Variants in SH3BP4 observed in about 807,000 individuals in gnomAD.
The protein encoded by SH3BP4 is SH3 domain-binding protein 4.
A neutral mutation model predicts 65.5 loss-of-function variants in SH3BP4; 33 were observed. That is an observed-to-expected ratio of 0.50 (90% CI 0.38 to 0.67). SH3BP4 has a LOEUF of 0.67. Among genes scored for constraint, SH3BP4 ranks in the 30% least tolerant of loss-of-function variants. The pLI is 0.00. For synonymous variants in SH3BP4, 552 were observed against 545.5 expected (o/e 1.01, Z -0.17); for missense variants, 1,134 against 1,261.4 (o/e 0.90, Z 1.53).
Position 235,034,886 on chromosome 2 carries a change from C to A in SH3BP4, c.-117C>A. ...CTACTTTCAGGAAGAAACATATTGC[C>A]GAGTGGATGCCGCCGCGCAGCGTGT... On this transcript the variant is annotated 5_prime_UTR_variant, in exon 3 of 6. Coordinates refer to ENST00000392011, the MANE Select transcript of SH3BP4 (RefSeq NM_014521.3). The surrounding 1 kb of genome is among the most constrained non-coding windows in gnomAD (Gnocchi z 6.2). 1 of 783,036 alleles carries A rather than the reference C, an allele frequency of 1.3e-6. No homozygotes were observed. Among genetic ancestry groups the A allele is most frequent in the Non-Finnish European group, 2.1e-6 (1 of 479,028 alleles). 48.5% of individuals were successfully genotyped at this position (783,036 alleles called of 1,614,324 possible).
chr2:235,019,106 G>A (rs145823974), intron 2 of SH3BP4, among the ~76,000 whole-genome samples: 75 of 152,312 alleles, frequency 4.9e-4, no homozygotes, highest in African/African-American at 1.7e-3. Context: ...AGGGCCTCGG[G>A]GCCTAGTCAA....
intron 4 of SH3BP4, among the ~76,000 whole-genome samples, chr2:235,051,722 C>A (rs551284568): frequency 6.6e-6 from 1 of 152,142 alleles, no homozygotes; most frequent in East Asian, 1.9e-4. Flanking sequence ...CTGTCTTCTT[C>A]TCCCTGGGTG....
At chr2:235,038,273 A>ATAT (rs1214470856) in intron 3 of SH3BP4, among the ~76,000 whole-genome samples, 1 of 26,050 alleles carries the variant, frequency 3.8e-5, no homozygotes, top group African/African-American at 4.4e-4. Context: ...TATTATATAT[A>ATAT]ATATATATTA....
At chr2:234,965,731 T>C (rs1190985195) in intron 1 of SH3BP4, among the ~76,000 whole-genome samples, 4 of 152,126 alleles carry the variant, frequency 2.6e-5, no homozygotes, top group Non-Finnish European at 4.4e-5. Context: ...AAAATGGCAG[T>C]GATTTCCACA....
intron 1 of SH3BP4, among the ~76,000 whole-genome samples, chr2:234,956,874 T>C (rs1296678218): frequency 6.6e-6 from 1 of 152,206 alleles, no homozygotes; most frequent in Middle Eastern, 3.4e-3. Flanking sequence ...CCCATTTTTA[T>C]GAGCAGGCAG....
rs1436073853 is a variant in SH3BP4, at chr2:235,038,312, TTA to T, written c.119-2570_119-2569del. On this transcript the variant is annotated intron_variant, in intron 3 of 5. Transcript: ENST00000392011. ...ATAATATATATATTATATATATATATTATATATTATATATATATTATATATAG... is the reference window on the plus strand; with the variant it reads ...ATAATATATATATTATATATATATATTATATTATATATATATTATATATAG... Among the ~76,000 whole-genome samples, 5 of 10,266 alleles carry T rather than the reference TTA, an allele frequency of 4.9e-4. 1 individual carries two copies. In the South Asian group the frequency reaches 0.018, roughly 38 times the overall value. 6.7% of individuals were successfully genotyped at this position (10,266 alleles called of 152,430 possible).
intron 1 of SH3BP4, among the ~76,000 whole-genome samples, chr2:234,980,792 G>A (rs1014435756): frequency 6.6e-6 from 1 of 152,156 alleles, no homozygotes; most frequent in South Asian, 2.1e-4. Context: ...TTTATGTTCT[G>A]CCAGAAGCTA....
At position 234,997,470 on chromosome 2, in the gene SH3BP4, CTTCAGGA is replaced by C. The variant is rs1693958537; in HGVS notation, c.-133+2096_-133+2102del. Among the ~76,000 whole-genome samples the C allele has an allele frequency of 6.6e-6, 1 of 152,188 alleles. No individual in the cohort carries two copies. The highest frequency in any genetic ancestry group is 2.4e-5 in the African/African-American group (1 of 41,444). On this transcript the variant is annotated intron_variant, in intron 2 of 5. Coordinates refer to ENST00000392011, the MANE Select transcript of SH3BP4 (RefSeq NM_014521.3). This position sits in a 1 kb window ranked among gnomAD's most constrained non-coding sequence, Gnocchi z 4.2. ...GTAGTTTATCCTGGTGCCTGGTGTCCTTCAGGATGAAGGAGGCAGCAGAAATGCTCCC... is the reference window on the plus strand; with the variant it reads ...GTAGTTTATCCTGGTGCCTGGTGTCCTGAAGGAGGCAGCAGAAATGCTCCC...
intron 1 of SH3BP4, among the ~76,000 whole-genome samples, chr2:234,955,847 C>G (rs1334910057): frequency 6.6e-6 from 1 of 152,192 alleles, no homozygotes; most frequent in African/African-American, 2.4e-5. Flanking sequence ...CCAGGGGTTT[C>G]ATTTTACAGG....
intron 1 of SH3BP4, among the ~76,000 whole-genome samples, chr2:234,966,097 G>T (rs1424155108): frequency 6.6e-6 from 1 of 152,228 alleles, no homozygotes; most frequent in African/African-American, 2.4e-5. Flanking sequence ...AGGAGAAAGA[G>T]GCTGGGCACG....
At chr2:235,007,627 G>C (rs1694337888) in intron 2 of SH3BP4, among the ~76,000 whole-genome samples, 1 of 152,204 alleles carries the variant, frequency 6.6e-6, no homozygotes, top group South Asian at 2.1e-4. Flanking sequence ...TTGATTGACT[G>C]GTTTTGGAGG....
intron 1 of SH3BP4, among the ~76,000 whole-genome samples, chr2:234,968,377 C>CTTT (rs551034590): frequency 2.8e-5 from 3 of 105,756 alleles, no homozygotes; most frequent in African/African-American, 1.0e-4. Flanking sequence ...CAGAGTTGTT[C>CTTT]TTTTTTTTTT....
rs536062513 is a variant in SH3BP4, at chr2:234,974,368, A to T, written c.-206-20935A>T. Among the ~76,000 whole-genome samples, 450 of 152,214 alleles carry T rather than the reference A, an allele frequency of 3.0e-3. 1 individual carries two copies. Among genetic ancestry groups the T allele is most frequent in the Non-Finnish European group, 4.7e-3 (319 of 68,024 alleles). ...CAAAGAGCGAAACTCTGTCTAAAAA[A>T]AAATAAATAAATAAAAGAGAAAGAG... is the stretch of plus-strand genomic sequence containing the variant. On this transcript the variant is annotated intron_variant, in intron 1 of 5. Coordinates refer to ENST00000392011, the MANE Select transcript of SH3BP4 (RefSeq NM_014521.3). The surrounding 1 kb of genome is among the most constrained non-coding windows in gnomAD (Gnocchi z 4.6).
chr2:235,043,204 C>T lies in SH3BP4; in HGVS notation c.2435C>T (p.Thr812Ile). Reference sequence around the variant, plus strand: ...AAGCTGAAGGAGGACTGTAACAACACTGAGAACAAAGAACGGAAGTCCTTC... The same window carrying T: ...AAGCTGAAGGAGGACTGTAACAACATTGAGAACAAAGAACGGAAGTCCTTC... ...LEKLKEDCNN[T>I]ENKERKSFQK... The change falls in exon 4 of 6, where the codon ACT becomes ATT. Residue 812 changes from threonine (T) to isoleucine (I), a missense_variant. By Grantham distance (89) the Thr-to-Ile change is moderately conservative. Coordinates refer to ENST00000392011, the MANE Select transcript of SH3BP4 (RefSeq NM_014521.3). 2 of 1,595,700 alleles carry T rather than the reference C, an allele frequency of 1.3e-6. No homozygotes were observed. The highest frequency in any genetic ancestry group is 1.7e-6 in the Non-Finnish European group (2 of 1,168,020).
intron 1 of SH3BP4, among the ~76,000 whole-genome samples, chr2:234,990,770 T>C (rs1043901555): frequency 6.6e-6 from 1 of 152,198 alleles, no homozygotes; most frequent in Non-Finnish European, 1.5e-5. Flanking sequence ...TGGAAAAGGA[T>C]TGTCTTACAG....
chr2:235,002,903 A>G (rs760145165), intron 2 of SH3BP4, among the ~76,000 whole-genome samples: 6 of 152,236 alleles, frequency 3.9e-5, no homozygotes, highest in Non-Finnish European at 7.3e-5. Flanking sequence ...GCCTGACAGC[A>G]GCAGATTCCA....
At chr2:235,029,683 A>G (rs1695116133) in intron 2 of SH3BP4, among the ~76,000 whole-genome samples, 1 of 152,248 alleles carries the variant, frequency 6.6e-6, no homozygotes, top group Admixed American at 6.5e-5. Flanking sequence ...AGATAGCATA[A>G]TGAACCTTCG....
chr2:235,016,198 G>A (rs1445509537), intron 2 of SH3BP4, among the ~76,000 whole-genome samples: 1 of 152,030 alleles, frequency 6.6e-6, no homozygotes, highest in African/African-American at 2.4e-5. Context: ...CTGGGCCCAG[G>A]GGAGCTTGCT....
At chr2:234,993,330 G>A (rs1693811618) in intron 1 of SH3BP4, among the ~76,000 whole-genome samples, 1 of 152,214 alleles carries the variant, frequency 6.6e-6, no homozygotes, top group South Asian at 2.1e-4. Context: ...TACCCACTGA[G>A]GCTGTTCCCA....
Sources: gnomAD v4.1 joint callset for allele counts (sites outside exome capture counted in the v4.1 genomes callset) on GRCh38, gnomAD v4.1.1 for gene constraint, Gnocchi (gnomAD v3.1) non-coding constraint, MANE v1.5 for transcripts, NCBI Gene and HGNC (gene_info 2026-07-23, HGNC 2026-07-21) for gene names.